The following AGBL4 variants were observed in gnomAD, a reference collection of about 807,000 sequenced individuals.
The protein encoded by AGBL4 is AGBL carboxypeptidase 4.
In AGBL4, 58 loss-of-function variants were observed where a neutral mutation model predicts 66.4. The ratio of observed to expected loss-of-function variants is 0.87; its 90% confidence interval spans 0.71 to 1.09. AGBL4 has a LOEUF of 1.09. Among genes scored for constraint, AGBL4 ranks in the 50% least tolerant of loss-of-function variants. AGBL4 has a pLI of 0.00. For missense variants in AGBL4, 579 were observed against 631.0 expected, an observed-to-expected ratio of 0.92 and a Z score of 0.88; for synonymous variants, 234 against 222.9, an observed-to-expected ratio of 1.05 and a Z score of -0.44.
At chr1:49,431,655 T>A (rs549637350) in intron 3 of AGBL4, among the ~76,000 whole-genome samples, 13 of 152,304 alleles carry the variant, frequency 8.5e-5, no homozygotes, top group East Asian at 1.9e-4. Context: ...TGTATTTTTT[T>A]AAAAAAATAT....
At position 49,362,932 on chromosome 1, in the gene AGBL4, G is replaced by A. The variant is rs143950866; in HGVS notation, c.283-117068C>T. Among the ~76,000 whole-genome samples, 1,331 of 152,216 alleles carry A rather than the reference G, an allele frequency of 8.7e-3. 8 individuals are homozygous for A. Among genetic ancestry groups the A allele is most frequent in the Non-Finnish European group, 0.014 (952 of 68,008 alleles). On this transcript the variant is annotated intron_variant, in intron 3 of 13. Coordinates refer to ENST00000371839, the MANE Select transcript of AGBL4 (RefSeq NM_032785.4). ...GAGGCAGATAATGAAACAAATTTTG[G>A]ACATACTGAATTTGAGGTGTCTGGG...
At chr1:49,661,758 T>C (rs1469621001) in intron 3 of AGBL4, among the ~76,000 whole-genome samples, 1 of 152,162 alleles carries the variant, frequency 6.6e-6, no homozygotes, top group East Asian at 1.9e-4. Flanking sequence ...ACAACTACTT[T>C]GGAAAGCTCT....
chr1:49,741,608 C>A (rs1319940260), intron 2 of AGBL4, among the ~76,000 whole-genome samples: 1 of 151,806 alleles, frequency 6.6e-6, no homozygotes, highest in Non-Finnish European at 1.5e-5. Context: ...AAAAGAGAAT[C>A]ATAGACCAAT....
At chr1:49,630,948 T>C (rs1645558760) in intron 3 of AGBL4, among the ~76,000 whole-genome samples, 1 of 152,144 alleles carries the variant, frequency 6.6e-6, no homozygotes, top group Non-Finnish European at 1.5e-5. Flanking sequence ...TAGCAATAGT[T>C]TTAGCCTGGT....
At chr1:49,529,939 G>A (rs1650961935) in intron 3 of AGBL4, among the ~76,000 whole-genome samples, 1 of 151,786 alleles carries the variant, frequency 6.6e-6, no homozygotes, top group Admixed American at 6.6e-5. Flanking sequence ...ATATTTAAGA[G>A]GTGAAAGAGG....
intron 3 of AGBL4, among the ~76,000 whole-genome samples, chr1:49,560,440 A>G (rs1228510208): frequency 6.6e-6 from 1 of 152,116 alleles, no homozygotes; most frequent in East Asian, 1.9e-4. Flanking sequence ...TTAAAAAAAG[A>G]CAAAAAACAA....
chr1:48,859,098 G>A (rs546659928), intron 6 of AGBL4, among the ~76,000 whole-genome samples: 19 of 152,116 alleles, frequency 1.2e-4, no homozygotes, highest in Admixed American at 1.2e-3. Context: ...TTTAAGGGGA[G>A]AGTCGTGGCT....
chr1:49,232,739 T>C (rs758190503), intron 4 of AGBL4, among the ~76,000 whole-genome samples: 2 of 95,780 alleles, frequency 2.1e-5, no homozygotes, highest in Admixed American at 2.4e-4. Context: ...AGTCAGAGTG[T>C]ACTGCTGACT....
chr1:48,642,043 A>C (rs1473473287), intron 8 of AGBL4, among the ~76,000 whole-genome samples: 1 of 152,100 alleles, frequency 6.6e-6, no homozygotes, highest in Non-Finnish European at 1.5e-5. Flanking sequence ...TGGGTGGGTA[A>C]AGTACAGAAT....
intron 3 of AGBL4, among the ~76,000 whole-genome samples, chr1:49,480,070 G>A (rs1484660521): frequency 1.3e-5 from 2 of 151,890 alleles, no homozygotes; most frequent in Non-Finnish European, 2.9e-5. Context: ...CTTTGCTCTT[G>A]TGAATAGTGC....
intron 1 of AGBL4, among the ~76,000 whole-genome samples, chr1:50,013,413 T>C (rs1213769337): frequency 1.3e-5 from 2 of 152,184 alleles, no homozygotes; most frequent in East Asian, 1.9e-4. Flanking sequence ...CCCACCACTT[T>C]TATTAAATCA....
intron 4 of AGBL4, among the ~76,000 whole-genome samples, chr1:49,242,665 C>T (rs1347438872): frequency 6.6e-6 from 1 of 151,916 alleles, no homozygotes; most frequent in East Asian, 1.9e-4. Context: ...CCTGATGCTA[C>T]AGAGCCCTAA....
chr1:49,719,684 G>C (rs1264049866), intron 2 of AGBL4, among the ~76,000 whole-genome samples: 2 of 152,090 alleles, frequency 1.3e-5, no homozygotes, highest in African/African-American at 2.4e-5. Context: ...TATGTGATTT[G>C]GCTGTGTCCC....
At chr1:49,302,085 T>C (rs549344026) in intron 3 of AGBL4, among the ~76,000 whole-genome samples, 2 of 152,188 alleles carry the variant, frequency 1.3e-5, no homozygotes, top group South Asian at 4.1e-4. Context: ...CCTTCCTCCT[T>C]CTCTTCTCCT....
intron 4 of AGBL4, among the ~76,000 whole-genome samples, chr1:49,094,473 A>G (rs1202287180): frequency 6.6e-6 from 1 of 152,040 alleles, no homozygotes; most frequent in Non-Finnish European, 1.5e-5. Context: ...GGTTCTGTTT[A>G]TATGCTGGAT....
intron 3 of AGBL4, among the ~76,000 whole-genome samples, chr1:49,497,473 G>A (rs1390013866): frequency 6.6e-6 from 1 of 151,906 alleles, no homozygotes; most frequent in Non-Finnish European, 1.5e-5. Context: ...CCAGTGTCAT[G>A]AAGCTTTTCC....
intron 2 of AGBL4, among the ~76,000 whole-genome samples, chr1:49,823,616 T>C (rs1048307327): frequency 1.3e-5 from 2 of 152,166 alleles, no homozygotes; most frequent in Non-Finnish European, 2.9e-5. Flanking sequence ...GACAAATGAA[T>C]TATTCTGTGA....
At chr1:49,059,807 C>T (rs112017353) in intron 4 of AGBL4, among the ~76,000 whole-genome samples, 3,672 of 152,204 alleles carry the variant, frequency 0.024, 122 homozygotes, top group African/African-American at 0.084. Flanking sequence ...CAGTGACGAC[C>T]GACCCTATTG....
At chr1:48,554,573 C>A (rs1644294121) in intron 11 of AGBL4, among the ~76,000 whole-genome samples, 1 of 152,118 alleles carries the variant, frequency 6.6e-6, no homozygotes, top group East Asian at 1.9e-4. Context: ...AAATCCCAAT[C>A]TTTAGGACCC....
Sources: allele counts gnomAD v4.1 joint callset (sites outside exome capture counted in the v4.1 genomes callset), GRCh38; gene constraint gnomAD v4.1.1; transcripts MANE v1.5; gene names NCBI Gene and HGNC (gene_info 2026-07-23, HGNC 2026-07-21).